Variants in OSBPL1A observed in about 807,000 individuals in gnomAD.
The protein encoded by OSBPL1A is oxysterol-binding protein-related protein 1.
In OSBPL1A, 80 loss-of-function variants were observed where a neutral mutation model predicts 137.1. The observed-to-expected ratio is 0.58, with a 90% CI of 0.49 to 0.70. The LOEUF is 0.70. Ranked by LOEUF, OSBPL1A falls within the 30% of genes least tolerant of loss-of-function variation. The pLI, the probability that OSBPL1A is intolerant of heterozygous loss-of-function variation, is 0.00. For synonymous variants in OSBPL1A, 365 were observed against 389.7 expected (o/e 0.94, Z 0.75); for missense variants, 970 against 1,129.4 (o/e 0.86, Z 2.02).
Position 24,367,170 on chromosome 18 carries a change from G to C in OSBPL1A, c.208-204C>G, listed in dbSNP as rs142646504. Among the ~76,000 whole-genome samples the C allele has an allele frequency of 7.6e-3, 1,156 of 151,930 alleles. 14 individuals are homozygous for C. Among genetic ancestry groups the C allele is most frequent in the African/African-American group, 0.02 (838 of 41,378 alleles). On this transcript the variant is annotated intron_variant, in intron 3 of 27. Coordinates refer to ENST00000319481, the MANE Select transcript of OSBPL1A (RefSeq NM_080597.4). ...CCAGCTACTTGGGAGGCTGAGGCAG[G>C]AGAATCATCTGAGCCCAGGAGTTCA...
chr18:24,274,824 G>A (rs906544373), intron 15 of OSBPL1A, among the ~76,000 whole-genome samples: 1 of 151,862 alleles, frequency 6.6e-6, no homozygotes, highest in Non-Finnish European at 1.5e-5. Context: ...CAGGAGAATC[G>A]CTTGAACCCG....
chr18:24,218,018 A>G (rs919865104), intron 17 of OSBPL1A, among the ~76,000 whole-genome samples: 2 of 152,178 alleles, frequency 1.3e-5, no homozygotes, highest in Non-Finnish European at 2.9e-5. Context: ...AAATGGCAAG[A>G]AAAAATGGGG....
chr18:24,202,237 G>A (rs760264149), intron 17 of OSBPL1A, among the ~76,000 whole-genome samples: 1 of 152,174 alleles, frequency 6.6e-6, no homozygotes. Context: ...GCAAGTCGAA[G>A]CTACACAGCT....
intron 17 of OSBPL1A, among the ~76,000 whole-genome samples, chr18:24,213,592 T>G (rs1447475477): frequency 1.3e-5 from 2 of 152,158 alleles, no homozygotes; most frequent in East Asian, 3.9e-4. Context: ...TAATAAAATC[T>G]GATGTAATTA....
Position 24,346,386 on chromosome 18 carries a change from T to G in OSBPL1A, c.283-4728A>C, listed in dbSNP as rs1443929608. Among the ~76,000 whole-genome samples, 3 of 152,322 alleles carry G rather than the reference T, an allele frequency of 2.0e-5. No individual in the cohort carries two copies. In the South Asian group the frequency reaches 6.2e-4, roughly 32 times the overall value. On this transcript the variant is annotated intron_variant, in intron 4 of 27. Transcript: ENST00000319481. The stretch of plus-strand genomic sequence containing the variant: ...AATTCTGTGGCTTTGAGTATATTCA[T>G]AGAGTTGTACATCATCACTATCTAA...
At position 24,280,808 on chromosome 18, in the gene OSBPL1A, A is replaced by C. The variant is rs368726434; in HGVS notation, c.1281+34T>G. On this transcript the variant is annotated intron_variant, in intron 15 of 27. Coordinates refer to ENST00000319481, the MANE Select transcript of OSBPL1A (RefSeq NM_080597.4). ...ACAACCACGCATGCAACATCCAAAC[A>C]ATTATTTTACAAATTCAATTCTGAA... 2.5e-5 allele frequency: 37 copies of C among 1,455,186 alleles called. 1 individual carries two copies. In the South Asian group the frequency reaches 4.2e-4, roughly 17 times the overall value. The allele number at this position is 1,455,186 out of a possible 1,614,324, so 90.1% of individuals were successfully genotyped here. A position where few individuals can be genotyped will look rare whatever the true frequency, so the allele number is the denominator to read the frequency against.
At chr18:24,303,843 TAAAGA>T in intron 13 of OSBPL1A, 125 bp from the exon 14 acceptor site, 1 of 661,488 alleles carries the variant, frequency 1.5e-6, no homozygotes, top group Admixed American at 2.8e-5. Flanking sequence ...ACATATGCCT[TAAAGA>T]AAAGAAAAAG....
intron 4 of OSBPL1A, among the ~76,000 whole-genome samples, chr18:24,346,429 A>G (rs918074891): frequency 6.6e-6 from 1 of 152,214 alleles, no homozygotes; most frequent in South Asian, 2.1e-4. Context: ...ACATTTCATC[A>G]CTACAAAAAG....
intron 17 of OSBPL1A, among the ~76,000 whole-genome samples, chr18:24,215,819 A>G (rs763568540): frequency 2.0e-5 from 3 of 152,190 alleles, no homozygotes; most frequent in Admixed American, 6.5e-5. Context: ...ACTGTGAAAG[A>G]TATTTCCTAG....
chr18:24,227,845 A>T (rs2088135969), intron 16 of OSBPL1A, among the ~76,000 whole-genome samples: 2 of 152,218 alleles, frequency 1.3e-5, no homozygotes, highest in South Asian at 4.1e-4. Flanking sequence ...TATTTAAGAC[A>T]CAGTATTAGT....
Position 24,227,213 on chromosome 18 carries a change from T to C in OSBPL1A, c.1445-2015A>G, listed in dbSNP as rs569544703. Among the ~76,000 whole-genome samples the C allele has an allele frequency of 3.6e-4, 55 of 152,212 alleles. No individual in the cohort carries two copies. In the South Asian group the frequency reaches 5.6e-3, roughly 16 times the overall value. ...TGGCCAGAAACGGACATTTTAATAA[T>C]ACATTTAAAGAGACATTTATTTTTC... is the stretch of plus-strand genomic sequence containing the variant. On this transcript the variant is annotated intron_variant, in intron 16 of 27. Transcript: ENST00000319481.
chr18:24,382,749 G>A (rs962508601), intron 1 of OSBPL1A, among the ~76,000 whole-genome samples: 6 of 151,900 alleles, frequency 3.9e-5, no homozygotes, highest in African/African-American at 1.2e-4. Flanking sequence ...GGTGGTGCGC[G>A]CCTGTAGTCT....
chr18:24,382,312 CAGG>C (rs1906653160), intron 1 of OSBPL1A, among the ~76,000 whole-genome samples: 2 of 146,062 alleles, frequency 1.4e-5, no homozygotes, highest in African/African-American at 2.6e-5. Flanking sequence ...GAGTCTGAGG[CAGG>C]AGAAGGGCGT....
intron 1 of OSBPL1A, among the ~76,000 whole-genome samples, chr18:24,386,990 A>G (rs1906999053): frequency 6.6e-6 from 1 of 152,086 alleles, no homozygotes; most frequent in East Asian, 1.9e-4. Context: ...AAATATATTT[A>G]TTTCAAATAG....
Position 24,300,449 on chromosome 18 carries a change from A to AAATT in OSBPL1A, c.1174+3184_1174+3187dup, listed in dbSNP as rs2090377814. The stretch of plus-strand genomic sequence containing the variant: ...ATGATCCAAAAAGTACCTTTACAAA[A>AAATT]AATTAATCTGGCAGCAATAATGCAG... On this transcript the variant is annotated intron_variant, in intron 14 of 27. Coordinates refer to ENST00000319481, the MANE Select transcript of OSBPL1A (RefSeq NM_080597.4). Among the ~76,000 whole-genome samples, 5 of 152,244 alleles carry AAATT rather than the reference A, an allele frequency of 3.3e-5. No individual in the cohort carries two copies. In the South Asian group the frequency reaches 1.0e-3, roughly 32 times the overall value.
chr18:24,217,616 G>C (rs1290643677), intron 17 of OSBPL1A, among the ~76,000 whole-genome samples: 1 of 152,120 alleles, frequency 6.6e-6, no homozygotes, highest in East Asian at 1.9e-4. Context: ...AGAATTGAAA[G>C]ACTACTGTTT....
At chr18:24,362,171 G>A (rs1199630851) in intron 4 of OSBPL1A, among the ~76,000 whole-genome samples, 2 of 151,948 alleles carry the variant, frequency 1.3e-5, no homozygotes, top group Non-Finnish European at 2.9e-5. Context: ...CTTTGAATGG[G>A]TAGATCTGGG....
intron 17 of OSBPL1A, among the ~76,000 whole-genome samples, chr18:24,197,537 G>GTT (rs2087070577): frequency 6.6e-6 from 1 of 152,016 alleles, no homozygotes; most frequent in Non-Finnish European, 1.5e-5. Context: ...AATTCTTCTA[G>GTT]TTTCTTTTTC....
intron 4 of OSBPL1A, among the ~76,000 whole-genome samples, chr18:24,344,591 G>T (rs2091316219): frequency 6.6e-6 from 1 of 152,014 alleles, no homozygotes; most frequent in Non-Finnish European, 1.5e-5. Context: ...GCAGGTGCTG[G>T]AGGAAGATGA....
Sources: gnomAD v4.1 joint callset for allele counts (sites outside exome capture counted in the v4.1 genomes callset) on GRCh38, gnomAD v4.1.1 for gene constraint, MANE v1.5 for transcripts, NCBI Gene and HGNC (gene_info 2026-07-23, HGNC 2026-07-21) for gene names.